PDE4B: variants seen among roughly 807,000 people sequenced by gnomAD.
The protein encoded by PDE4B is 3',5'-cyclic-AMP phosphodiesterase 4B.
PDE4B carries 20 observed loss-of-function variants against 82.2 expected under a neutral mutation model. The observed-to-expected ratio is 0.24, with a 90% CI of 0.17 to 0.35. PDE4B has a LOEUF of 0.35. Ranked by LOEUF, PDE4B falls within the 10% of genes least tolerant of loss-of-function variation. The pLI is 1.00. For synonymous variants in PDE4B, 320 were observed against 318.9 expected, an observed-to-expected ratio of 1.00 and a Z score of -0.04; for missense variants, 655 against 907.2, an observed-to-expected ratio of 0.72 and a Z score of 3.57.
intron 3 of PDE4B, among the ~76,000 whole-genome samples, chr1:66,093,844 T>C (rs576795976): frequency 6.6e-6 from 1 of 152,064 alleles, no homozygotes; most frequent in Non-Finnish European, 1.5e-5. Context: ...ACACAACTTA[T>C]GCCGCTCATA....
At chr1:66,108,070 G>T (rs1475013323) in intron 3 of PDE4B, among the ~76,000 whole-genome samples, 1 of 151,804 alleles carries the variant, frequency 6.6e-6, no homozygotes, top group Non-Finnish European at 1.5e-5. Flanking sequence ...TTTGTAGTGA[G>T]AATATTTAAA....
intron 1 of PDE4B, among the ~76,000 whole-genome samples, chr1:65,830,929 G>C (rs2101292211): frequency 6.6e-6 from 1 of 152,146 alleles, no homozygotes; most frequent in Middle Eastern, 3.4e-3. Flanking sequence ...AATTATCCTT[G>C]CAGCTTTTCT....
rs115283624 is a variant in PDE4B at position 66,248,788 on chromosome 1, C to T, written c.476+1134C>T. On this transcript the variant is annotated intron_variant, in intron 4 of 16. Coordinates refer to ENST00000341517, the MANE Select transcript of PDE4B (RefSeq NM_002600.4). ...CTAAATAAGAAAGATAAGAGGAACA[C>T]ACACATACAAACATAACAGAGTGAA... 2.7e-3 allele frequency among the ~76,000 whole-genome samples: 412 copies of T among 152,322 alleles called. 3 individuals are homozygous for T. The highest frequency in any genetic ancestry group is 9.5e-3 in the African/African-American group (394 of 41,572).
intron 3 of PDE4B, among the ~76,000 whole-genome samples, chr1:65,941,104 T>C (rs1443309728): frequency 1.3e-5 from 2 of 152,054 alleles, no homozygotes; most frequent in African/African-American, 4.8e-5. Flanking sequence ...AATGTTATCT[T>C]ACTTCTTGTT....
intron 10 of PDE4B, 55 bp downstream of exon 10, chr1:66,361,848 T>C (rs1662801340): frequency 4.3e-6 from 6 of 1,399,928 alleles, no homozygotes; most frequent in Non-Finnish European, 5.9e-6. Flanking sequence ...AGCAGACGGA[T>C]GACCGTATAC....
intron 1 of PDE4B, among the ~76,000 whole-genome samples, chr1:65,866,527 GA>G (rs1317351330): frequency 6.6e-6 from 1 of 152,094 alleles, no homozygotes; most frequent in African/African-American, 2.4e-5. Flanking sequence ...CACAAAAAGT[GA>G]AAAAGAAACT....
At chr1:66,326,943 A>G (rs1183618661) in intron 7 of PDE4B, among the ~76,000 whole-genome samples, 1 of 152,202 alleles carries the variant, frequency 6.6e-6, no homozygotes, top group Admixed American at 6.5e-5. Flanking sequence ...TACTTTTCCA[A>G]GAGATCAGTG....
intron 4 of PDE4B, among the ~76,000 whole-genome samples, chr1:66,252,641 G>T (rs763685702): frequency 2.6e-5 from 4 of 152,170 alleles, no homozygotes; most frequent in Admixed American, 1.3e-4. Context: ...TGGCTTTTGC[G>T]CCATTGTGAA....
intron 3 of PDE4B, among the ~76,000 whole-genome samples, chr1:65,973,748 A>G (rs1650267691): frequency 6.6e-6 from 1 of 152,180 alleles, no homozygotes; most frequent in Non-Finnish European, 1.5e-5. Context: ...ATCTTAAAGA[A>G]TTCTAATCTA....
chr1:65,836,184 C>T (rs770101530), intron 1 of PDE4B, among the ~76,000 whole-genome samples: 93 of 152,274 alleles, frequency 6.1e-4, no homozygotes, highest in Admixed American at 6.5e-4. Flanking sequence ...TCAGGTGATT[C>T]ACCCGTCTCG....
chr1:65,854,464 TGA>T (rs1223016734), intron 1 of PDE4B, among the ~76,000 whole-genome samples: 27 of 151,076 alleles, frequency 1.8e-4, no homozygotes, highest in Non-Finnish European at 3.5e-4. Context: ...TTTTTTTTTC[TGA>T]ATGTGTTTAT....
intron 1 of PDE4B, among the ~76,000 whole-genome samples, chr1:65,836,369 T>A (rs570497410): frequency 8.1e-4 from 124 of 152,310 alleles, no homozygotes; most frequent in African/African-American, 2.9e-3. Flanking sequence ...TGTCTTCCTC[T>A]GATATCGCCT....
At chr1:66,309,540 T>C (rs976466946) in intron 7 of PDE4B, among the ~76,000 whole-genome samples, 1 of 152,194 alleles carries the variant, frequency 6.6e-6, no homozygotes, top group Non-Finnish European at 1.5e-5. Context: ...TGCAGGTCAA[T>C]GTGAAGGGGG....
At chr1:66,217,273 T>A (rs200764713) in intron 3 of PDE4B, among the ~76,000 whole-genome samples, 11 of 152,092 alleles carry the variant, frequency 7.2e-5, no homozygotes, top group Non-Finnish European at 1.5e-4. Context: ...CTGGCTGGGA[T>A]TGTAAATGAC....
intron 3 of PDE4B, among the ~76,000 whole-genome samples, chr1:66,051,604 A>G (rs1245334755): frequency 6.6e-6 from 1 of 152,088 alleles, no homozygotes; most frequent in Admixed American, 6.6e-5. Context: ...ATATATGTAA[A>G]TATATAATTA....
chr1:66,260,056 A>G (rs1247136841), intron 6 of PDE4B, among the ~76,000 whole-genome samples: 2 of 152,222 alleles, frequency 1.3e-5, no homozygotes, highest in African/African-American at 4.8e-5. Context: ...AATGTGAGCT[A>G]TTATAATGGA....
chr1:65,928,167 G>A (rs190777540), intron 3 of PDE4B, among the ~76,000 whole-genome samples: 110 of 150,606 alleles, frequency 7.3e-4, no homozygotes, highest in African/African-American at 2.5e-3. Flanking sequence ...TGTCGATAAC[G>A]TAGTGAGGTC....
At chr1:65,829,936 G>T (rs1185383265) in intron 1 of PDE4B, among the ~76,000 whole-genome samples, 1 of 152,150 alleles carries the variant, frequency 6.6e-6, no homozygotes, top group African/African-American at 2.4e-5. Flanking sequence ...AAGAACTAGA[G>T]TCAGTGACAC....
chr1:66,031,795 T>C (rs1262889171), intron 3 of PDE4B, among the ~76,000 whole-genome samples: 2 of 150,304 alleles, frequency 1.3e-5, no homozygotes, highest in African/African-American at 2.5e-5. Context: ...CTGTCAACAA[T>C]AGAAATATTT....
Sources: gnomAD v4.1 joint callset for allele counts (sites outside exome capture counted in the v4.1 genomes callset) on GRCh38, gnomAD v4.1.1 for gene constraint, MANE v1.5 for transcripts, NCBI Gene and HGNC (gene_info 2026-07-23, HGNC 2026-07-21) for gene names.